The following TNIK variants were observed in gnomAD, a reference collection of about 807,000 sequenced individuals.
The protein encoded by TNIK is TRAF2 and NCK-interacting protein kinase.
Under a neutral mutation model 191.3 loss-of-function variants are expected in TNIK, and 49 were observed. That is an observed-to-expected ratio of 0.26 (90% CI 0.20 to 0.32). The LOEUF (loss-of-function observed/expected upper bound fraction) is 0.32, where lower values mean the gene tolerates loss of function less well. Ranked by LOEUF, TNIK falls within the 10% of genes least tolerant of loss-of-function variation. TNIK has a pLI of 1.00. For synonymous variants in TNIK, 594 were observed against 600.9 expected, an observed-to-expected ratio of 0.99 and a Z score of 0.17; for missense variants, 1,155 against 1,702.3, an observed-to-expected ratio of 0.68 and a Z score of 5.66.
At chr3:171,146,754 A>G (rs1252312815) in intron 12 of TNIK, among the ~76,000 whole-genome samples, 1 of 151,920 alleles carries the variant, frequency 6.6e-6, no homozygotes, top group Non-Finnish European at 1.5e-5. Flanking sequence ...GCTGGGTGTG[A>G]TGGTGCGTGC....
Position 171,108,194 on chromosome 3 carries a change from G to A in TNIK, c.2285-32C>T, listed in dbSNP as rs139321353. 9.0e-5 allele frequency: 134 copies of A among 1,491,476 alleles called. No homozygotes were observed. The African/African-American group carries it at 1.7e-3, about 19-fold the overall frequency. 92.4% of individuals were successfully genotyped at this position (1,491,476 alleles called of 1,614,324 possible). ...GAAAAAAACAGAGGACCAAGAAAGA[G>A]ATGGCCATCAAAAAGTGCTGGCTCA... On this transcript the variant is annotated intron_variant, in intron 19 of 32. Coordinates refer to ENST00000436636, the MANE Select transcript of TNIK (RefSeq NM_015028.4).
intron 2 of TNIK, among the ~76,000 whole-genome samples, chr3:171,347,703 A>G (rs969792355): frequency 2.0e-5 from 3 of 152,146 alleles, no homozygotes; most frequent in African/African-American, 7.2e-5. Context: ...AGAAATCAGA[A>G]CTGATCTCAC....
intron 2 of TNIK, among the ~76,000 whole-genome samples, chr3:171,347,572 C>T (rs759065321): frequency 6.6e-6 from 1 of 152,128 alleles, no homozygotes; most frequent in Non-Finnish European, 1.5e-5. Context: ...ATTTTCTTTT[C>T]AAGAGAGCAA....
intron 1 of TNIK, among the ~76,000 whole-genome samples, chr3:171,378,709 G>T (rs1717608798): frequency 6.6e-6 from 1 of 152,096 alleles, no homozygotes; most frequent in Non-Finnish European, 1.5e-5. Flanking sequence ...TGTGACATTT[G>T]CAGCGAGGAT....
At chr3:171,307,497 T>C (rs1753580710) in intron 2 of TNIK, among the ~76,000 whole-genome samples, 3 of 152,210 alleles carry the variant, frequency 2.0e-5, no homozygotes, top group Admixed American at 6.5e-5. Context: ...CTGTGCAAAA[T>C]AGTTACTGAA....
chr3:171,351,619 T>C (rs1385117027), intron 2 of TNIK, among the ~76,000 whole-genome samples: 1 of 152,172 alleles, frequency 6.6e-6, no homozygotes, highest in African/African-American at 2.4e-5. Flanking sequence ...AGGGCTATCA[T>C]TGCATTTGTA....
chr3:171,090,561 G>A (rs542111539), intron 23 of TNIK, among the ~76,000 whole-genome samples: 66 of 142,634 alleles, frequency 4.6e-4, no homozygotes, highest in African/African-American at 1.8e-3. Context: ...TACCAGGAAG[G>A]TGCTGTGTAC....
chr3:171,460,148 T>A lies in TNIK; in HGVS notation c.-85A>T. On this transcript the variant is annotated 5_prime_UTR_variant, in exon 1 of 33. Coordinates refer to ENST00000436636, the MANE Select transcript of TNIK (RefSeq NM_015028.4). The surrounding 1 kb of genome is among the most constrained non-coding windows in gnomAD (Gnocchi z 6.8). ...TCCACCTTGGTCTATTTCACTCGCG[T>A]CCTCATGCGGGTGTCGCGCCAGAGG... 6.6e-7 allele frequency: 1 copy of A among 1,520,246 alleles called. No homozygotes were observed. 94.2% of individuals were successfully genotyped at this position (1,520,246 alleles called of 1,614,324 possible). A position where few individuals can be genotyped will look rare whatever the true frequency, so the allele number is the denominator to read the frequency against.
intron 4 of TNIK, among the ~76,000 whole-genome samples, chr3:171,199,708 A>C (rs1739176250): frequency 6.6e-6 from 1 of 152,236 alleles, no homozygotes; most frequent in African/African-American, 2.4e-5. Flanking sequence ...CCCTGGGCTT[A>C]GCAATGTCTC....
rs1717633457 is a variant in TNIK, at chr3:171,059,436, A to G, written c.*4445T>C. Among the ~76,000 whole-genome samples the G allele has an allele frequency of 6.6e-6, 1 of 152,184 alleles. No individual in the cohort carries two copies. On this transcript the variant is annotated 3_prime_UTR_variant, in exon 33 of 33. Coordinates refer to ENST00000436636, the MANE Select transcript of TNIK (RefSeq NM_015028.4). ...CAGGGTTATGATCTCACACTGTTTA[A>G]TGCTAAGCAAACTGTTGAATATTCT...
At chr3:171,122,334 A>G (rs1315486127) in intron 18 of TNIK, among the ~76,000 whole-genome samples, 1 of 152,206 alleles carries the variant, frequency 6.6e-6, no homozygotes, top group African/African-American at 2.4e-5. Context: ...GCACTGATAA[A>G]GTTCAGGCTG....
chr3:171,419,924 A>G lies in TNIK; in HGVS notation c.57+40083T>C, dbSNP rs541053405. On this transcript the variant is annotated intron_variant, in intron 1 of 32. Transcript: ENST00000436636. ...AAGCACTCATTTTTCAATATCCAACAACAGAGTCAGTGCCACTTACCTATA... is the reference window on the plus strand; with the variant it reads ...AAGCACTCATTTTTCAATATCCAACGACAGAGTCAGTGCCACTTACCTATA... 5.9e-5 allele frequency among the ~76,000 whole-genome samples: 9 copies of G among 152,318 alleles called. No individual in the cohort carries two copies. The South Asian group carries it at 1.9e-3, about 32-fold the overall frequency.
chr3:171,135,680 A>G (rs1729896660), intron 15 of TNIK, among the ~76,000 whole-genome samples: 1 of 152,208 alleles, frequency 6.6e-6, no homozygotes, highest in Admixed American at 6.5e-5. Context: ...CCAGGAAGCC[A>G]GGGACCTTGG....
At chr3:171,133,450 A>G (rs891066581) in intron 15 of TNIK, among the ~76,000 whole-genome samples, 3 of 152,220 alleles carry the variant, frequency 2.0e-5, no homozygotes, top group African/African-American at 7.2e-5. Context: ...GAATATGTTG[A>G]ATACCATATT....
intron 1 of TNIK, among the ~76,000 whole-genome samples, chr3:171,398,161 C>G (rs1216334977): frequency 6.6e-6 from 1 of 152,132 alleles, no homozygotes; most frequent in East Asian, 1.9e-4. Context: ...TTGTAGATAC[C>G]AAAATAACTG....
At chr3:171,089,180 CT>C (rs771661088) in intron 23 of TNIK, among the ~76,000 whole-genome samples, 6 of 152,180 alleles carry the variant, frequency 3.9e-5, no homozygotes, top group Non-Finnish European at 8.8e-5. Flanking sequence ...TCTTGGCAAC[CT>C]GCTCCTGGAC....
At chr3:171,254,396 A>G (rs1424243540) in intron 2 of TNIK, among the ~76,000 whole-genome samples, 1 of 152,254 alleles carries the variant, frequency 6.6e-6, no homozygotes, top group African/African-American at 2.4e-5. Context: ...TACCTAGAGC[A>G]GTGGAGAATG....
chr3:171,421,666 G>C (rs1302035393), intron 1 of TNIK, among the ~76,000 whole-genome samples: 1 of 150,622 alleles, frequency 6.6e-6, no homozygotes, highest in Non-Finnish European at 1.5e-5. Flanking sequence ...TGGTTTGCTG[G>C]ATAAAAAGCA....
intron 1 of TNIK, among the ~76,000 whole-genome samples, chr3:171,425,017 G>C (rs1194656919): frequency 6.6e-6 from 1 of 150,430 alleles, no homozygotes; most frequent in Non-Finnish European, 1.5e-5. Context: ...TTACTAAATA[G>C]AGGGAATGAC....
Sources: gnomAD v4.1 joint callset for allele counts (sites outside exome capture counted in the v4.1 genomes callset) on GRCh38, gnomAD v4.1.1 for gene constraint, Gnocchi (gnomAD v3.1) non-coding constraint, MANE v1.5 for transcripts, NCBI Gene and HGNC (gene_info 2026-07-23, HGNC 2026-07-21) for gene names.